PCSK9: variants seen among roughly 807,000 people sequenced by gnomAD.
The protein encoded by PCSK9 is convertase subtilisin/kexin type 9 preproprotein.
In PCSK9, 57 loss-of-function variants were observed where a neutral mutation model predicts 62.1. The observed-to-expected ratio is 0.92, with a 90% CI of 0.74 to 1.14. The LOEUF (loss-of-function observed/expected upper bound fraction) is 1.14, where lower values mean the gene tolerates loss of function less well. PCSK9 is among the 50% of genes most tolerant of loss of function. The pLI is 0.00. For synonymous variants in PCSK9, 387 were observed against 409.4 expected, an observed-to-expected ratio of 0.95 and a Z score of 0.66; for missense variants, 870 against 959.8, an observed-to-expected ratio of 0.91 and a Z score of 1.24.
At chr1:55,050,453 C>A (rs1644664875) in intron 3 of PCSK9, among the ~76,000 whole-genome samples, 1 of 152,200 alleles carries the variant, frequency 6.6e-6, no homozygotes, top group African/African-American at 2.4e-5. Flanking sequence ...ATGGTAGATG[C>A]CTATTGATGA....
intron 6 of PCSK9, 24 bp from the exon 7 acceptor site, chr1:55,057,306 GC>G (rs28385712): frequency 6.5e-5 from 105 of 1,609,576 alleles, no homozygotes; most frequent in Non-Finnish European, 8.7e-5. Flanking sequence ...TCCTTTCTCT[GC>G]CACCCACCTC....
At chr1:55,058,477 T>C in intron 8 of PCSK9, 22 bp from the exon 9 acceptor site, 1 of 1,612,212 alleles carries the variant, frequency 6.2e-7, no homozygotes, top group Non-Finnish European at 8.5e-7. Flanking sequence ...CACCCCCTCC[T>C]CATCCCAGGC....
chr1:55,058,685 G>A (rs746166452), intron 9 of PCSK9, 38 bp downstream of exon 9: 9 of 1,375,940 alleles, frequency 6.5e-6, no homozygotes, highest in Non-Finnish European at 8.7e-6. Context: ...GTGTGTGTGT[G>A]TGTGTGTGTG....
rs572641115 is a variant in PCSK9 at position 55,040,884 on chromosome 1, G to A, written c.207+840G>A. On this transcript the variant is annotated intron_variant, in intron 1 of 11. Coordinates refer to ENST00000302118, the MANE Select transcript of PCSK9 (RefSeq NM_174936.4). The surrounding 1 kb of genome is among the most constrained non-coding windows in gnomAD (Gnocchi z 4.1). ...GCCAGCTTCTGGCCCTCAGGCTGTG[G>A]GAAGCTTCTTCCCGGGGCGAGACCA... Among the ~76,000 whole-genome samples the A allele has an allele frequency of 6.6e-6, 1 of 152,260 alleles. No homozygotes were observed. Among genetic ancestry groups the A allele is most frequent in the Admixed American group, 6.5e-5 (1 of 15,302 alleles).
chr1:55,056,616 G>C (rs554027658), intron 6 of PCSK9, among the ~76,000 whole-genome samples: 4 of 152,316 alleles, frequency 2.6e-5, no homozygotes, highest in African/African-American at 9.6e-5. Flanking sequence ...GACAACTTGA[G>C]CAAGGCTAAT....
At chr1:55,061,823 A>T (rs1289701902) in intron 11 of PCSK9, among the ~76,000 whole-genome samples, 1 of 152,246 alleles carries the variant, frequency 6.6e-6, no homozygotes, top group African/African-American at 2.4e-5. Flanking sequence ...TAAATATGGC[A>T]TAAAGAAATG....
intron 5 of PCSK9, among the ~76,000 whole-genome samples, chr1:55,055,448 G>A (rs192027144): frequency 8.7e-4 from 133 of 152,316 alleles, no homozygotes; most frequent in Non-Finnish European, 1.7e-3. Flanking sequence ...ATATTCAGAC[G>A]CTTAGACAGA....
At chr1:55,060,781 T>G (rs1224152200) in intron 10 of PCSK9, among the ~76,000 whole-genome samples, 3 of 152,194 alleles carry the variant, frequency 2.0e-5, no homozygotes, top group Non-Finnish European at 4.4e-5. Flanking sequence ...AGAATGCTAG[T>G]AACCACAACC....
intron 3 of PCSK9, chr1:55,051,029 ACACCAGCAGC>A (rs377475507): frequency 1.9e-4 from 80 of 411,850 alleles, no homozygotes; most frequent in African/African-American, 1.6e-3. Flanking sequence ...AAGCCAGGGA[ACACCAGCAGC>A]CACCAGAAGC....
At position 55,040,577 on chromosome 1, in the gene PCSK9, A is replaced by G. The variant is rs563665610; in HGVS notation, c.207+533A>G. Among the ~76,000 whole-genome samples the G allele has an allele frequency of 3.9e-4, 59 of 152,328 alleles. No homozygotes were observed. Among genetic ancestry groups the G allele is most frequent in the African/African-American group, 1.4e-3 (57 of 41,568 alleles). On this transcript the variant is annotated intron_variant, in intron 1 of 11. Coordinates refer to ENST00000302118, the MANE Select transcript of PCSK9 (RefSeq NM_174936.4). This position sits in a 1 kb window ranked among gnomAD's most constrained non-coding sequence, Gnocchi z 4.1. ...AGGGGCGGGGTGGGAAGGACGGCAG[A>G]TGCTGGGAGCACGAGGCAATTTCTT...
At position 55,063,889 on chromosome 1, in the gene PCSK9, G is replaced by A. The variant is rs777645981; in HGVS notation, c.*305G>A. On this transcript the variant is annotated 3_prime_UTR_variant, in exon 12 of 12. Transcript: ENST00000302118. ...TGCTGCCAGCTGCTCCCAATGTGCC[G>A]ATGTCCGTGGGCAGAATGACTTTTA... 44 of 470,630 alleles carry A rather than the reference G, an allele frequency of 9.3e-5. No homozygotes were observed. The highest frequency in any genetic ancestry group is 1.3e-4 in the Non-Finnish European group (34 of 260,338). 29.2% of individuals were successfully genotyped at this position (470,630 alleles called of 1,614,324 possible).
chr1:55,040,047 G>T lies in PCSK9; in HGVS notation c.207+3G>T. 1 of 1,559,964 alleles carries T rather than the reference G, an allele frequency of 6.4e-7. No individual in the cohort carries two copies. Among genetic ancestry groups the T allele is most frequent in the East Asian group, 2.4e-5 (1 of 41,642 alleles). ...CCACCTTCCACCGCTGCGCCAAGGT[G>T]CGGGTGTAGGGATGGGAGGCCGGGG... is the stretch of plus-strand genomic sequence containing the variant. On this transcript the variant is annotated splice_donor_region_variant and intron_variant, in intron 1 of 11. Transcript: ENST00000302118. The surrounding 1 kb of genome is among the most constrained non-coding windows in gnomAD (Gnocchi z 4.1).
intron 3 of PCSK9, among the ~76,000 whole-genome samples, chr1:55,047,727 T>A (rs1405488925): frequency 5.9e-5 from 9 of 152,078 alleles, no homozygotes; most frequent in Non-Finnish European, 2.9e-5. Context: ...AGGGTTTGTG[T>A]GGGGGACATC....
chr1:55,053,621 C>A (rs1644692346), intron 5 of PCSK9, among the ~76,000 whole-genome samples: 1 of 152,224 alleles, frequency 6.6e-6, no homozygotes, highest in Admixed American at 6.5e-5. Flanking sequence ...AGAGGCAGCC[C>A]ACTAGCCTGT....
chr1:55,043,440 T>A (rs1312672494), intron 1 of PCSK9, among the ~76,000 whole-genome samples: 2 of 152,048 alleles, frequency 1.3e-5, no homozygotes, highest in African/African-American at 4.8e-5. Context: ...GGAATTCAGG[T>A]CCACGGTTTC....
At chr1:55,059,393 G>A in intron 9 of PCSK9, 93 bp from the exon 10 acceptor site, 1 of 1,476,710 alleles carries the variant, frequency 6.8e-7, no homozygotes, top group Middle Eastern at 1.7e-4. Flanking sequence ...CAGGGACACT[G>A]ATGAGGGTGC....
chr1:55,049,208 C>T (rs181790306), intron 3 of PCSK9, among the ~76,000 whole-genome samples: 21 of 152,310 alleles, frequency 1.4e-4, no homozygotes, highest in African/African-American at 2.6e-4. Flanking sequence ...GCAAAGGGGA[C>T]GGTGTCCAAG....
Position 55,044,165 on chromosome 1 carries a change from G to T in PCSK9, c.399+131G>T. On this transcript the variant is annotated intron_variant, in intron 2 of 11. Coordinates refer to ENST00000302118, the MANE Select transcript of PCSK9 (RefSeq NM_174936.4). Reference sequence around the variant, plus strand: ...AGCAAGTATGTATTGAGCACTTATCGGGTACCAAGCACAGTAACTACTGGC... The same window carrying T: ...AGCAAGTATGTATTGAGCACTTATCTGGTACCAAGCACAGTAACTACTGGC... 5 of 1,095,372 alleles carry T rather than the reference G, an allele frequency of 4.6e-6. No individual in the cohort carries two copies. In the South Asian group the frequency reaches 5.4e-5, roughly 12 times the overall value. The allele number at this position is 1,095,372 out of a possible 1,614,324, so 67.9% of individuals were successfully genotyped here.
chr1:55,047,440 C>A (rs909265521), intron 3 of PCSK9, among the ~76,000 whole-genome samples: 13 of 152,194 alleles, frequency 8.5e-5, no homozygotes, highest in Non-Finnish European at 1.6e-4. Flanking sequence ...GTGAACTCAG[C>A]TTTCACCCCT....
Sources: allele counts gnomAD v4.1 joint callset (sites outside exome capture counted in the v4.1 genomes callset), GRCh38; gene constraint gnomAD v4.1.1; non-coding constraint Gnocchi (gnomAD v3.1); transcripts MANE v1.5; gene names NCBI Gene and HGNC (gene_info 2026-07-23, HGNC 2026-07-21).